Variants in MCM2 observed in about 807,000 individuals in gnomAD.
MCM2 encodes the protein minichromosome maintenance complex component 2, also known as DNA replication licensing factor MCM2.
MCM2 carries 49 observed loss-of-function variants against 86.4 expected under a neutral mutation model. The observed-to-expected ratio is 0.57, with a 90% confidence interval of 0.45 to 0.72. The LOEUF is 0.72. Among genes scored for constraint, MCM2 ranks in the 30% least tolerant of loss-of-function variants. The probability of loss-of-function intolerance (pLI) is 0.00; values close to 1 mark genes in which losing one functional copy is unlikely to be tolerated. For synonymous variants in MCM2, 475 were observed against 484.6 expected (o/e 0.98, Z 0.26); for missense variants, 1,038 against 1,259.9 (o/e 0.82, Z 2.67).
At chr3:127,609,724 C>T (rs2074378528) in intron 8 of MCM2, among the ~76,000 whole-genome samples, 1 of 151,986 alleles carries the variant, frequency 6.6e-6, no homozygotes, top group Non-Finnish European at 1.5e-5. Context: ...TGATAAAAAC[C>T]CTTTGCTGTT....
At chr3:127,601,170 T>C (rs931442483) in intron 2 of MCM2, among the ~76,000 whole-genome samples, 3 of 152,230 alleles carry the variant, frequency 2.0e-5, no homozygotes, top group Admixed American at 2.0e-4. Context: ...TGGGCTTTTT[T>C]CTCTTAGTGT....
chr3:127,620,977 C>T (rs1360127211), intron 14 of MCM2, 96 bp from the exon 15 acceptor site: 22 of 1,570,686 alleles, frequency 1.4e-5, no homozygotes, highest in Admixed American at 1.0e-4. Context: ...CACCCAGGAG[C>T]GGCAGCCTGT....
Position 127,604,961 on chromosome 3 carries a change from G to T in MCM2, c.478G>T (p.Asp160Tyr), listed in dbSNP as rs778740195. Residue 160 changes from aspartate to tyrosine, a missense_variant, in exon 4 of 16, where the codon GAC becomes TAC. Transcript: ENST00000265056. ...KRRQVERATE[D>Y]GEEDEEMIES... ...CCGCCAGGTGGAGCGGGCCACGGAG[G>T]ACGGCGAGGAGGACGAGGAGATGAT... 1.9e-6 allele frequency: 3 copies of T among 1,606,732 alleles called. No individual in the cohort carries two copies. The highest frequency in any genetic ancestry group is 2.2e-5 in the East Asian group (1 of 44,824).
chr3:127,602,817 C>T (rs1041229217), intron 2 of MCM2, among the ~76,000 whole-genome samples: 10 of 152,114 alleles, frequency 6.6e-5, no homozygotes, highest in Non-Finnish European at 1.2e-4. Flanking sequence ...TTGTTGAAGG[C>T]GGCATAGTCA....
rs202039612 is a variant in MCM2, at chr3:127,618,101, G to A, written c.2013+20G>A. 4.1e-4 allele frequency: 655 copies of A among 1,598,964 alleles called. 1 individual carries two copies. Among genetic ancestry groups the A allele is most frequent in the Admixed American group, 5.5e-4 (33 of 59,684 alleles). On this transcript the variant is annotated intron_variant, in intron 12 of 15. Transcript: ENST00000265056. This position sits in a 1 kb window ranked among gnomAD's most constrained non-coding sequence, Gnocchi z 4.0. Reference sequence around the variant, plus strand: ...GTCCAGGTATAGCTCACATGTGCCCGGTTTCCATGAACTGTGGTTTGGGGA... The same window carrying A: ...GTCCAGGTATAGCTCACATGTGCCCAGTTTCCATGAACTGTGGTTTGGGGA...
At position 127,617,324 on chromosome 3, in the gene MCM2, C is replaced by T; in HGVS notation, c.1819C>T (p.Gln607Ter). Residue 607 changes from glutamine to a stop codon, truncating the protein, a stop_gained, in exon 11 of 16, where the codon CAG (glutamine) becomes TAG (stop). Transcript: ENST00000265056. LOFTEE classifies it high-confidence loss of function. The surrounding 1 kb of genome is among the most constrained non-coding windows in gnomAD (Gnocchi z 4.1). ...RTSIHEAMEQ[Q>*]SISISKAGIV... ...CAGCATCCATGAGGCCATGGAGCAA[C>T]AGAGCATCTCCATCTCGAAGGCTGG... 2 of 1,614,106 alleles carry T rather than the reference C, an allele frequency of 1.2e-6. No individual in the cohort carries two copies. Among genetic ancestry groups the T allele is most frequent in the Non-Finnish European group, 1.7e-6 (2 of 1,179,990 alleles).
rs568355469 is a variant in MCM2, at chr3:127,608,687, G to T, written c.1237-145G>T. 3.6e-5 allele frequency: 43 copies of T among 1,185,606 alleles called. No homozygotes were observed. The South Asian group carries it at 5.5e-4, about 15-fold the overall frequency. 73.4% of individuals were successfully genotyped at this position (1,185,606 alleles called of 1,614,324 possible). ...TTCTGGTGGATGGGTTGTTGGAATGGTGGGTTTAGGAGGGGTTTTACTGAG... is the reference window on the plus strand; with the variant it reads ...TTCTGGTGGATGGGTTGTTGGAATGTTGGGTTTAGGAGGGGTTTTACTGAG... On this transcript the variant is annotated intron_variant, in intron 7 of 15. Coordinates refer to ENST00000265056, the MANE Select transcript of MCM2 (RefSeq NM_004526.4).
intron 2 of MCM2, among the ~76,000 whole-genome samples, chr3:127,601,645 T>G (rs1219632462): frequency 6.6e-6 from 1 of 152,174 alleles, no homozygotes; most frequent in African/African-American, 2.4e-5. Flanking sequence ...GGATTACAGG[T>G]GTGAGCCACC....
In MCM2 at chr3:127,617,255, GGGT is replaced by G; in HGVS notation, c.1774-21_1774-19del. The G allele has an allele frequency of 6.2e-7, 1 of 1,613,992 alleles. No individual in the cohort carries two copies. The highest frequency in any genetic ancestry group is 8.5e-7 in the Non-Finnish European group (1 of 1,179,904). ...GTAGTAGGGGCGTGAACCATGCTAA[GGGT>G]GGGCCATTTTAATCTTGCAGATGAA... is the stretch of plus-strand genomic sequence containing the variant. On this transcript the variant is annotated intron_variant, in intron 10 of 15. Coordinates refer to ENST00000265056, the MANE Select transcript of MCM2 (RefSeq NM_004526.4). This position sits in a 1 kb window ranked among gnomAD's most constrained non-coding sequence, Gnocchi z 4.1.
At chr3:127,608,016 C>G (rs2074363518) in intron 6 of MCM2, among the ~76,000 whole-genome samples, 1 of 152,202 alleles carries the variant, frequency 6.6e-6, no homozygotes, top group African/African-American at 2.4e-5. Flanking sequence ...GTATGACTTG[C>G]TTTAATTCTT....
chr3:127,617,433 C>T lies in MCM2; in HGVS notation c.1900+28C>T, dbSNP rs1005581967. The T allele has an allele frequency of 6.2e-6, 10 of 1,606,406 alleles. No individual in the cohort carries two copies. The highest frequency in any genetic ancestry group is 8.5e-6 in the Non-Finnish European group (10 of 1,176,832). ...GCAGCAGGCACCCTGACTGCTGGGG[C>T]TGGGGTGGGACACAGGGAGGTCCCG... On this transcript the variant is annotated intron_variant, in intron 11 of 15. Coordinates refer to ENST00000265056, the MANE Select transcript of MCM2 (RefSeq NM_004526.4). This position sits in a 1 kb window ranked among gnomAD's most constrained non-coding sequence, Gnocchi z 4.1.
chr3:127,611,950 C>T (rs2074401940), intron 8 of MCM2, among the ~76,000 whole-genome samples: 1 of 151,924 alleles, frequency 6.6e-6, no homozygotes, highest in South Asian at 2.1e-4. Context: ...CCGCCCGCCT[C>T]GGCCTCCCAA....
chr3:127,619,821 A>G (rs1348170238), intron 13 of MCM2, among the ~76,000 whole-genome samples: 1 of 152,126 alleles, frequency 6.6e-6, no homozygotes, highest in African/African-American at 2.4e-5. Context: ...CTCTACAAAA[A>G]ATGTTTTGAA....
chr3:127,611,086 G>A (rs17497006), intron 8 of MCM2: 41,684 of 404,414 alleles, frequency 0.1, 2,638 homozygotes, highest in Middle Eastern at 0.15. Context: ...TTTTACATGC[G>A]AGGAAGACAG....
intron 4 of MCM2, among the ~76,000 whole-genome samples, chr3:127,605,807 T>G (rs2074342814): frequency 6.6e-6 from 1 of 152,216 alleles, no homozygotes; most frequent in South Asian, 2.1e-4. Flanking sequence ...CTTTTTGTCC[T>G]GTGTTTGTCA....
In MCM2 at chr3:127,604,898, A is replaced by G. The variant is rs1159044582; in HGVS notation, c.415A>G (p.Ser139Gly). Residue 139 changes from serine (S) to glycine (G), a missense_variant and splice_region_variant, in exon 4 of 16, where the codon AGC becomes GGC. Physicochemically the swap from Ser to Gly is moderately conservative, Grantham distance 56 (BLOSUM62 0). Coordinates refer to ENST00000265056, the MANE Select transcript of MCM2 (RefSeq NM_004526.4). ...GCAGGTGTCTCTTGCCTCCCCAGAC[A>G]GCGATGAGGAGGACGAGGAGCGCCC... ...GRMRRGLLYDSDEEDEERPAR... is the reference protein window; with the variant it reads ...GRMRRGLLYDGDEEDEERPAR... The G allele has an allele frequency of 5.0e-6, 8 of 1,608,990 alleles. No homozygotes were observed. Among genetic ancestry groups the G allele is most frequent in the South Asian group, 1.1e-5 (1 of 90,550 alleles).
rs2074481174 is a variant in MCM2, at chr3:127,621,872, C to T, written c.*99C>T. 8 of 820,222 alleles carry T rather than the reference C, an allele frequency of 9.8e-6. No individual in the cohort carries two copies. Among genetic ancestry groups the T allele is most frequent in the Middle Eastern group, 2.4e-4 (1 of 4,116 alleles). The allele number at this position is 820,222 out of a possible 1,614,324, so 50.8% of individuals were successfully genotyped here. On this transcript the variant is annotated 3_prime_UTR_variant, in exon 16 of 16. Coordinates refer to ENST00000265056, the MANE Select transcript of MCM2 (RefSeq NM_004526.4). ...ACAAAACCAGAGCACTTGATGAACT[C>T]GGGGTACTAGGGTCAGGGCTTATAG...
Position 127,621,713 on chromosome 3 carries a change from C to A in MCM2, c.2655C>A (p.Leu885=), listed in dbSNP as rs2074480118. ...HNLSAFYDSE[L]FRMNKFSHDL... is the part of the protein sequence containing the mutation. ...TCTCTGCATTTTATGACAGTGAGCT[C>A]TTCAGGATGAACAAGTTCAGCCACG... Residue 885 remains leucine, a synonymous_variant, in exon 16 of 16, where the codon CTC becomes CTA. Transcript: ENST00000265056. The A allele has an allele frequency of 1.2e-6, 2 of 1,614,190 alleles. No individual in the cohort carries two copies. Among genetic ancestry groups the A allele is most frequent in the African/African-American group, 1.3e-5 (1 of 75,040 alleles).
chr3:127,600,870 G>GT (rs2074302506), intron 2 of MCM2, among the ~76,000 whole-genome samples: 1 of 126,178 alleles, frequency 7.9e-6, no homozygotes, highest in Non-Finnish European at 1.7e-5. Flanking sequence ...TGTTTTTGTG[G>GT]TTTTTCAAAA....
Sources: gnomAD v4.1 joint callset for allele counts (sites outside exome capture counted in the v4.1 genomes callset) on GRCh38, gnomAD v4.1.1 for gene constraint, Gnocchi (gnomAD v3.1) non-coding constraint, MANE v1.5 for transcripts, NCBI Gene and HGNC (gene_info 2026-07-23, HGNC 2026-07-21) for gene names.